EPHX1: variants seen among roughly 807,000 people sequenced by gnomAD.
The protein encoded by EPHX1 is epoxide hydrolase 1.
In EPHX1, 40 loss-of-function variants were observed where a neutral mutation model predicts 43.2. The ratio of observed to expected loss-of-function variants is 0.93; its 90% CI spans 0.72 to 1.21. The LOEUF (loss-of-function observed/expected upper bound fraction) is 1.21. Among genes scored for constraint, EPHX1 ranks in the 50% most tolerant of loss-of-function variants. The pLI is 0.00. For synonymous variants in EPHX1, 221 were observed against 226.7 expected (o/e 0.98, Z 0.22); for missense variants, 550 against 570.4 (o/e 0.96, Z 0.36).
intron 2 of EPHX1, among the ~76,000 whole-genome samples, chr1:225,830,799 G>A (rs1424663703): frequency 1.3e-4 from 20 of 152,076 alleles, no homozygotes; most frequent in Admixed American, 1.3e-3. Context: ...CAGTTATAAT[G>A]TATCATTCAA....
Position 225,845,250 on chromosome 1 carries a change from C to A in EPHX1, c.1271C>A (p.Ser424Tyr). Residue 424 changes from serine (S) to tyrosine (Y), a missense_variant, in exon 9 of 9, where the codon TCC becomes TAC. Coordinates refer to ENST00000272167, the MANE Select transcript of EPHX1 (RefSeq NM_001136018.4). ...AAGTACCCAAAGCTCATCTCCTATT[C>A]CTACATGGTTCGTGGGGGCCACTTT... ...RFKYPKLISY[S>Y]YMVRGGHFAA... 1 of 1,614,044 alleles carries A rather than the reference C, an allele frequency of 6.2e-7. No homozygotes were observed. Among genetic ancestry groups the A allele is most frequent in the Admixed American group, 1.7e-5 (1 of 60,024 alleles).
chr1:225,828,001 C>T (rs1174536562), intron 1 of EPHX1, among the ~76,000 whole-genome samples: 6 of 152,174 alleles, frequency 3.9e-5, no homozygotes, highest in African/African-American at 9.7e-5. Context: ...CTCCTCTCCC[C>T]TGGGGGAGGG....
At chr1:225,824,623 G>C (rs956097081) in intron 1 of EPHX1, among the ~76,000 whole-genome samples, 3 of 152,238 alleles carry the variant, frequency 2.0e-5, no homozygotes, top group African/African-American at 4.8e-5. Flanking sequence ...GGAAAGCAAA[G>C]GTTTGAGGCT....
chr1:225,814,716 AG>A (rs1321667392), intron 1 of EPHX1, among the ~76,000 whole-genome samples: 2 of 152,238 alleles, frequency 1.3e-5, no homozygotes, highest in African/African-American at 4.8e-5. Context: ...CCCTCACCAA[AG>A]GCCACCACCT....
chr1:225,830,950 TTGTG>T (rs1390527594), intron 2 of EPHX1, among the ~76,000 whole-genome samples: 1 of 152,242 alleles, frequency 6.6e-6, no homozygotes, highest in Non-Finnish European at 1.5e-5. Flanking sequence ...GAATAATAGT[TTGTG>T]ACGTGAAAAT....
At chr1:225,832,236 A>G (rs1667649523) in intron 3 of EPHX1, 1 of 437,524 alleles carries the variant, frequency 2.3e-6, no homozygotes, top group Non-Finnish European at 4.3e-6. Context: ...GAGAGGAAGG[A>G]TGGAGATGAG....
chr1:225,838,908 C>G, intron 4 of EPHX1, 27 bp downstream of exon 4: 1 of 1,607,398 alleles, frequency 6.2e-7, no homozygotes, highest in Non-Finnish European at 8.5e-7. Context: ...GGTTCCATAA[C>G]TGCCCCGTCC....
chr1:225,830,798 T>C (rs1048739536), intron 2 of EPHX1, among the ~76,000 whole-genome samples: 4 of 152,180 alleles, frequency 2.6e-5, no homozygotes, highest in African/African-American at 9.7e-5. Flanking sequence ...TCAGTTATAA[T>C]GTATCATTCA....
Position 225,838,716 on chromosome 1 carries a change from C to G in EPHX1, c.427C>G (p.Pro143Ala), listed in dbSNP as rs1668114066. 6.2e-7 allele frequency: 1 copy of G among 1,614,072 alleles called. No individual in the cohort carries two copies. Among genetic ancestry groups the G allele is most frequent in the Non-Finnish European group, 8.5e-7 (1 of 1,180,040 alleles). ...GCTGCCCGCAGGCCATACCCCGAAG[C>G]CCTTGCTGATGGTGCACGGCTGGCC... is the stretch of plus-strand genomic sequence containing the variant. ...PQLPAGHTPK[P>A]LLMVHGWPGS... The change falls in exon 4 of 9, where the codon CCC becomes GCC. Residue 143 changes from proline to alanine, a missense_variant. Physicochemically the swap from Pro to Ala is conservative, Grantham distance 27. Transcript: ENST00000272167.
intron 2 of EPHX1, 86 bp downstream of exon 2, chr1:225,828,998 A>G (rs1667425096): frequency 6.9e-7 from 1 of 1,453,318 alleles, no homozygotes; most frequent in Non-Finnish European, 9.4e-7. Flanking sequence ...CAGATGCGGG[A>G]GGGGACGGGG....
chr1:225,839,835 G>GA lies in EPHX1; in HGVS notation c.732dup (p.Gly245ArgfsTer32). ...CCCCTCTCTCTGCCTTCAGCCACGT[G>GA]AAAGGCCTGCACTTGAACATGGCTT... On this transcript the variant is annotated frameshift_variant, in exon 6 of 9. Transcript: ENST00000272167. LOFTEE classifies it high-confidence loss of function. 4.3e-6 allele frequency: 7 copies of GA among 1,613,838 alleles called. No individual in the cohort carries two copies. Among genetic ancestry groups the GA allele is most frequent in the Non-Finnish European group, 5.9e-6 (7 of 1,179,950 alleles).
At chr1:225,826,447 CAAAAAAAAA>C (rs374232833) in intron 1 of EPHX1, among the ~76,000 whole-genome samples, 4 of 84,184 alleles carry the variant, frequency 4.8e-5, no homozygotes, top group South Asian at 8.9e-4. Flanking sequence ...GACTCTGTCT[CAAAAAAAAA>C]AAAAAAAAAA....
intron 3 of EPHX1, among the ~76,000 whole-genome samples, chr1:225,835,704 C>CTTT (rs112510399): frequency 1.1e-3 from 162 of 141,836 alleles, no homozygotes; most frequent in East Asian, 7.7e-3. Flanking sequence ...TTTTTCTTTC[C>CTTT]TTTTTTTTTT....
chr1:225,842,320 T>C (rs752156615), intron 6 of EPHX1, 46 bp from the exon 7 acceptor site: 10 of 1,398,236 alleles, frequency 7.2e-6, no homozygotes, highest in Non-Finnish European at 2.0e-6. Context: ...TCCAGCTCTC[T>C]GGTCCCCAGG....
intron 3 of EPHX1, among the ~76,000 whole-genome samples, chr1:225,835,963 G>A (rs1287708039): frequency 2.0e-5 from 3 of 152,156 alleles, no homozygotes; most frequent in African/African-American, 4.8e-5. Flanking sequence ...CACCCTGCCC[G>A]GGGCTGGAGG....
chr1:225,824,662 C>T (rs2854448), intron 1 of EPHX1, among the ~76,000 whole-genome samples: 33,076 of 152,186 alleles, frequency 0.22, 4,350 homozygotes, highest in East Asian at 0.42. Flanking sequence ...TCTGCCTGGC[C>T]AGCTCTCCGA....
intron 1 of EPHX1, among the ~76,000 whole-genome samples, chr1:225,811,402 C>G (rs1666476463): frequency 6.6e-6 from 1 of 152,212 alleles, no homozygotes. Context: ...AGGCAACACT[C>G]GTTGTCCTGG....
chr1:225,823,764 A>T (rs1441590210), intron 1 of EPHX1, among the ~76,000 whole-genome samples: 2 of 151,046 alleles, frequency 1.3e-5, no homozygotes, highest in African/African-American at 4.8e-5. Context: ...TTCCTGCGTG[A>T]GCAGTCCTTC....
intron 3 of EPHX1, among the ~76,000 whole-genome samples, chr1:225,836,190 G>T (rs1430095424): frequency 6.6e-6 from 1 of 152,222 alleles, no homozygotes; most frequent in African/African-American, 2.4e-5. Context: ...AGTGGTGTGT[G>T]AGTCCTGGAT....
Sources: allele counts gnomAD v4.1 joint callset (sites outside exome capture counted in the v4.1 genomes callset), GRCh38; gene constraint gnomAD v4.1.1; transcripts MANE v1.5; gene names NCBI Gene and HGNC (gene_info 2026-07-23, HGNC 2026-07-21).